Variants in PABPN1L observed in about 807,000 individuals in gnomAD.
PABPN1L encodes PABPN1 like, cytoplasmic.
In PABPN1L, 45 loss-of-function variants were observed where a neutral mutation model predicts 34.0. The ratio of observed to expected loss-of-function variants is 1.32; its 90% CI spans 1.04 to 1.70. The LOEUF is 1.70. Among genes scored for constraint, PABPN1L ranks in the 40% most tolerant of loss-of-function variants. PABPN1L has a pLI of 0.00. For synonymous variants in PABPN1L, 182 were observed against 152.1 expected (o/e 1.20, Z -1.45); for missense variants, 459 against 367.8 (o/e 1.25, Z -2.03).
upstream of PABPN1L, among the ~76,000 whole-genome samples, chr16:88,868,706 C>A (rs139590546): frequency 2.6e-5 from 4 of 151,948 alleles, no homozygotes; most frequent in East Asian, 7.8e-4. Flanking sequence ...AAAGGGAGGG[C>A]GGATAAAAGG....
upstream of PABPN1L, among the ~76,000 whole-genome samples, chr16:88,868,020 G>A (rs1282004344): frequency 2.0e-5 from 3 of 152,196 alleles, no homozygotes; most frequent in African/African-American, 7.2e-5. Context: ...GAGAGAGACA[G>A]GGCGTGGCCT....
chr16:88,867,374 C>G (rs1032305933), upstream of PABPN1L, among the ~76,000 whole-genome samples: 1 of 152,104 alleles, frequency 6.6e-6, no homozygotes, highest in African/African-American at 2.4e-5. Context: ...ATTACAGGCA[C>G]CTGCCACCAT....
rs760964696 is a variant in PABPN1L at position 88,865,616 on chromosome 16, C to G, written c.406G>C (p.Gly136Arg). 7 of 1,609,392 alleles carry G rather than the reference C, an allele frequency of 4.3e-6. No homozygotes were observed. In the Admixed American group the frequency reaches 5.0e-5, roughly 12 times the overall value. Residue 136 changes from glycine to arginine, a missense_variant, in exon 3 of 7, where the codon GGG becomes CGG. Physicochemically the swap from Gly to Arg is moderately radical, Grantham distance 125. Coordinates refer to ENST00000419291, the Ensembl canonical transcript of PABPN1L. ...GCCTCCACCTTCTCCTCGGGGGTCCCAGAGAGGGGGCAGCCTGCGGAGAAC... is the reference window on the plus strand; with the variant it reads ...GCCTCCACCTTCTCCTCGGGGGTCCGAGAGAGGGGGCAGCCTGCGGAGAAC...
At chr16:88,863,586 A>G in exon 7 of PABPN1L, 1 of 850,746 alleles carries the variant, frequency 1.2e-6, no homozygotes. Flanking sequence ...ACCACCATAC[A>G]AGGCCCTACT....
chr16:88,867,054 G>A (rs1466965967), upstream of PABPN1L, among the ~76,000 whole-genome samples: 1 of 152,180 alleles, frequency 6.6e-6, no homozygotes. Context: ...CCGACCAGGA[G>A]AGGCAGGGCC....
At chr16:88,868,266 A>G (rs8062459), upstream of PABPN1L, among the ~76,000 whole-genome samples, 17,386 of 152,224 alleles carry the variant, frequency 0.11, 2,684 homozygotes, top group African/African-American at 0.35. Flanking sequence ...CAGGAAAAAG[A>G]AACACGAAGC....
chr16:88,863,974 A>G (rs1968513883), intron 6 of PABPN1L, among the ~76,000 whole-genome samples, 179 bp from the exon 7 acceptor site: 1 of 152,192 alleles, frequency 6.6e-6, no homozygotes, highest in African/African-American at 2.4e-5. Context: ...CGAAAAGGAA[A>G]GGCAGTGCCA....
chr16:88,865,513 G>C (rs1392423360), intron 3 of PABPN1L, 50 bp downstream of exon 3: 1 of 1,582,460 alleles, frequency 6.3e-7, no homozygotes, highest in South Asian at 1.2e-5. Context: ...CCCTCTGGTA[G>C]AGATGGGGCC....
At chr16:88,868,749 G>A (rs1056172683), upstream of PABPN1L, among the ~76,000 whole-genome samples, 4 of 152,218 alleles carry the variant, frequency 2.6e-5, no homozygotes, top group East Asian at 5.8e-4. Context: ...TCTCTGATTG[G>A]CAGTCACCAA....
At chr16:88,868,667 G>C (rs534801279), upstream of PABPN1L, among the ~76,000 whole-genome samples, 4 of 152,102 alleles carry the variant, frequency 2.6e-5, no homozygotes, top group Non-Finnish European at 4.4e-5. Flanking sequence ...GGGAAAGAGC[G>C]GGCAGGAGGG....
At chr16:88,863,818 CTGAG>C (rs1968508123) in intron 6 of PABPN1L, 23 bp from the exon 7 acceptor site, 1 of 1,533,816 alleles carries the variant, frequency 6.5e-7, no homozygotes, top group Non-Finnish European at 8.7e-7. Context: ...AGAACACACA[CTGAG>C]TGGCCTTCCA....
intron 5 of PABPN1L, 132 bp from the exon 6 acceptor site, chr16:88,864,511 C>T: frequency 2.3e-6 from 3 of 1,297,270 alleles, no homozygotes; most frequent in South Asian, 1.6e-5. Context: ...TACAGGGTTC[C>T]CTGCCTTTGC....
chr16:88,864,115 C>A, intron 6 of PABPN1L, 122 bp downstream of exon 6: 2 of 1,330,196 alleles, frequency 1.5e-6, no homozygotes, highest in Non-Finnish European at 2.0e-6. Context: ...CAGCCCTCAC[C>A]CAGGCCCCGC....
intron 1 of PABPN1L, 44 bp from the exon 2 acceptor site, chr16:88,865,985 C>G: frequency 6.4e-7 from 1 of 1,565,898 alleles, no homozygotes; most frequent in African/African-American, 1.3e-5. Flanking sequence ...CCTGCAGGCT[C>G]TGCTCAAGGA....
chr16:88,864,334 G>C, exon 6 of PABPN1L: 2 of 1,555,512 alleles, frequency 1.3e-6, no homozygotes, highest in South Asian at 1.2e-5. Flanking sequence ...AGGCCCCCGC[G>C]GTCTGTGGAG....
rs554811854 is a variant in PABPN1L at position 88,864,857 on chromosome 16, A to T, written c.650T>A (p.Ile217Asn). The change falls in exon 5 of 7, where the codon ATC becomes AAC. Residue 217 changes from isoleucine (I) to asparagine (N), a missense_variant. Ile to Asn is a moderately radical substitution (Grantham distance 149). Transcript: ENST00000419291. ...ACCTGGGGAGCACCGGCGCACCTTG[A>T]TGACCCGGCCCCGGAAGAGGCTCTG... The T allele has an allele frequency of 4.4e-6, 7 of 1,601,858 alleles. No individual in the cohort carries two copies. In the Admixed American group the frequency reaches 8.5e-5, roughly 19 times the overall value.
Position 88,864,959 on chromosome 16 carries a change from A to AGGGGAG in PABPN1L, c.567-25_567-20dup, listed in dbSNP as rs1968554181. On this transcript the variant is annotated intron_variant, in intron 4 of 6. Transcript: ENST00000419291. Reference sequence around the variant, plus strand: ...GGCATAACTGAGGGGAGGGGCAGGGAGGGGAGGGGTGAGGCTGGGCCCTGT... The same window carrying AGGGGAG: ...GGCATAACTGAGGGGAGGGGCAGGGAGGGGAGGGGGAGGGGTGAGGCTGGGCCCTGT... 11 of 924,320 alleles carry AGGGGAG rather than the reference A, an allele frequency of 1.2e-5. No homozygotes were observed. The highest frequency in any genetic ancestry group is 1.8e-5 in the Non-Finnish European group (11 of 599,728). The allele number at this position is 924,320 out of a possible 1,614,324, so 57.3% of individuals were successfully genotyped here. A position where few individuals can be genotyped will look rare whatever the true frequency, so the allele number is the denominator to read the frequency against.
At chr16:88,866,496 C>A in exon 1 of PABPN1L, 1 of 1,551,350 alleles carries the variant, frequency 6.4e-7, no homozygotes, top group South Asian at 1.2e-5. Context: ...CCAGAATCTC[C>A]TTGGTCTCGT....
At chr16:88,863,861 C>CG (rs1968510167) in intron 6 of PABPN1L, 66 bp from the exon 7 acceptor site, 4 of 1,455,922 alleles carry the variant, frequency 2.7e-6, no homozygotes, top group African/African-American at 2.8e-5. Context: ...CCCAGGGCCC[C>CG]GGGGGACAAC....
Sources: gnomAD v4.1 joint callset for allele counts (sites outside exome capture counted in the v4.1 genomes callset) on GRCh38, gnomAD v4.1.1 for gene constraint, MANE v1.5 for transcripts, NCBI Gene and HGNC (gene_info 2026-07-23, HGNC 2026-07-21) for gene names.